AFF1: variants seen among roughly 807,000 people sequenced by gnomAD.
AFF1 encodes the protein AF4/FMR2 family member 1.
In AFF1, 48 loss-of-function variants were observed where a neutral mutation model predicts 121.7. The observed-to-expected ratio is 0.39, with a 90% confidence interval of 0.31 to 0.50. The LOEUF (loss-of-function observed/expected upper bound fraction) is 0.50, where lower values mean the gene tolerates loss of function less well. AFF1 is among the 20% of genes least tolerant of loss of function. The pLI is 0.76. For synonymous variants in AFF1, 613 were observed against 563.0 expected (o/e 1.09, Z -1.26); for missense variants, 1,523 against 1,511.7 (o/e 1.01, Z -0.12).
chr4:87,057,402 T>A (rs1206926374), intron 4 of AFF1, among the ~76,000 whole-genome samples: 1 of 152,244 alleles, frequency 6.6e-6, no homozygotes, highest in African/African-American at 2.4e-5. Context: ...GGGCTTATAA[T>A]TCTGTAAGAC....
intron 2 of AFF1, among the ~76,000 whole-genome samples, chr4:87,027,555 A>G (rs553444293): frequency 3.4e-4 from 52 of 152,340 alleles, no homozygotes; most frequent in African/African-American, 1.2e-3. Flanking sequence ...AGTCTGTTGG[A>G]AAAATGTGGG....
At chr4:87,135,192 C>CAAG (rs1272611826) in intron 20 of AFF1, among the ~76,000 whole-genome samples, 3 of 152,162 alleles carry the variant, frequency 2.0e-5, no homozygotes, top group Non-Finnish European at 4.4e-5. Flanking sequence ...TGGAGAAATG[C>CAAG]AAGGTTCAGG....
At chr4:87,095,017 T>A in intron 8 of AFF1, 48 bp downstream of exon 8, 1 of 1,532,922 alleles carries the variant, frequency 6.5e-7, no homozygotes, top group Non-Finnish European at 9.0e-7. Context: ...TATGAAATTG[T>A]AATGTCTCAT....
At chr4:87,090,539 C>T (rs1243173988) in intron 6 of AFF1, among the ~76,000 whole-genome samples, 3 of 152,120 alleles carry the variant, frequency 2.0e-5, no homozygotes, top group Non-Finnish European at 4.4e-5. Flanking sequence ...ATGAACAATG[C>T]GTTAAAACAC....
intron 12 of AFF1, among the ~76,000 whole-genome samples, chr4:87,118,201 C>A (rs1426782643): frequency 1.3e-5 from 2 of 152,202 alleles, no homozygotes; most frequent in Non-Finnish European, 2.9e-5. Context: ...ATTTACAGAT[C>A]CTTGAATCCA....
intron 4 of AFF1, among the ~76,000 whole-genome samples, chr4:87,068,108 G>A (rs1721562928): frequency 6.6e-6 from 1 of 151,828 alleles, no homozygotes; most frequent in Admixed American, 6.6e-5. Context: ...AGGATCATTT[G>A]TTTTGAAATA....
intron 2 of AFF1, among the ~76,000 whole-genome samples, chr4:87,014,544 G>A (rs1205991677): frequency 6.6e-6 from 1 of 152,246 alleles, no homozygotes; most frequent in Non-Finnish European, 1.5e-5. Flanking sequence ...TCAGGAAACA[G>A]TCTTTGGTAT....
At chr4:87,012,560 A>C (rs1338261453) in intron 2 of AFF1, among the ~76,000 whole-genome samples, 1 of 152,184 alleles carries the variant, frequency 6.6e-6, no homozygotes, top group Non-Finnish European at 1.5e-5. Context: ...AAATGTAAAA[A>C]CTGGGGGAGC....
At chr4:87,106,866 G>A (rs1425300275) in intron 10 of AFF1, among the ~76,000 whole-genome samples, 4 of 152,148 alleles carry the variant, frequency 2.6e-5, no homozygotes, top group Non-Finnish European at 4.4e-5. Context: ...ATGTGATTAT[G>A]TGCACTCTTA....
chr4:86,949,800 G>A, intron 2 of AFF1: 3 of 1,613,980 alleles, frequency 1.9e-6, no homozygotes, highest in Non-Finnish European at 1.7e-6. Flanking sequence ...GCCACTGGGA[G>A]ACACTGCGTC....
intron 17 of AFF1, 87 bp from the exon 18 acceptor site, chr4:87,131,706 G>A (rs1728843825): frequency 8.6e-7 from 1 of 1,168,248 alleles, no homozygotes; most frequent in East Asian, 2.6e-5. Context: ...TTCAGGAAAA[G>A]TCAATATAAA....
chr4:86,977,219 A>G (rs1041062101), intron 2 of AFF1, among the ~76,000 whole-genome samples: 9 of 152,158 alleles, frequency 5.9e-5, no homozygotes, highest in Non-Finnish European at 1.0e-4. Context: ...TGTATTTTCA[A>G]TCTCATAACT....
intron 12 of AFF1, among the ~76,000 whole-genome samples, chr4:87,121,285 C>T (rs1727658406): frequency 6.6e-6 from 1 of 152,206 alleles, no homozygotes; most frequent in African/African-American, 2.4e-5. Context: ...TGAATGGCTT[C>T]TTGACCCAGA....
In AFF1 at chr4:87,091,127, G is replaced by A. The variant is rs564649470; in HGVS notation, c.1192-666G>A. 2.8e-4 allele frequency among the ~76,000 whole-genome samples: 43 copies of A among 151,498 alleles called. No homozygotes were observed. The South Asian group carries it at 6.9e-3, about 24-fold the overall frequency. On this transcript the variant is annotated intron_variant, in intron 6 of 20. Coordinates refer to ENST00000395146, the MANE Select transcript of AFF1 (RefSeq NM_001166693.3). ...ATTTTTAAAATGTAACTCATGGACC[G>A]GGCATGGTGGCTTATGCTTGTAATC...
At position 87,019,884 on chromosome 4, in the gene AFF1, C is replaced by CGGGGG. The variant is rs34782951; in HGVS notation, c.39-26277_39-26273dup. Among the ~76,000 whole-genome samples the CGGGGG allele has an allele frequency of 1.5e-3, 124 of 82,550 alleles. 1 individual carries two copies. The highest frequency in any genetic ancestry group is 2.3e-3 in the African/African-American group (52 of 23,028). 54.2% of individuals were successfully genotyped at this position (82,550 alleles called of 152,430 possible). A position where few individuals can be genotyped will look rare whatever the true frequency, so the allele number is the denominator to read the frequency against. On this transcript the variant is annotated intron_variant, in intron 2 of 20. Transcript: ENST00000395146. ...ACCTGTGACTGGTGTCTGAAGGGGT[C>CGGGGG]GGGGGGGGGCAGTCTTGGGGACTGA...
At chr4:87,058,453 C>A (rs1300188202) in intron 4 of AFF1, among the ~76,000 whole-genome samples, 1 of 152,046 alleles carries the variant, frequency 6.6e-6, no homozygotes, top group African/African-American at 2.4e-5. Flanking sequence ...AACTTTGCTT[C>A]CTACCTTTCA....
At chr4:87,025,518 G>A (rs1459882783) in intron 2 of AFF1, among the ~76,000 whole-genome samples, 1 of 152,214 alleles carries the variant, frequency 6.6e-6, no homozygotes, top group Non-Finnish European at 1.5e-5. Flanking sequence ...TCCCAGTAGA[G>A]AAGTAACACA....
intron 12 of AFF1, among the ~76,000 whole-genome samples, chr4:87,120,670 C>T (rs1483824852): frequency 1.3e-5 from 2 of 152,206 alleles, no homozygotes; most frequent in African/African-American, 4.8e-5. Context: ...ACCGCGTCAG[C>T]CCCGGCTTGG....
At chr4:87,085,890 C>A (rs768923594) in intron 5 of AFF1, among the ~76,000 whole-genome samples, 5 of 152,084 alleles carry the variant, frequency 3.3e-5, no homozygotes, top group Non-Finnish European at 7.4e-5. Context: ...AGGTGTGCGC[C>A]AGTACGCCCT....
Sources: allele counts gnomAD v4.1 joint callset (sites outside exome capture counted in the v4.1 genomes callset), GRCh38; gene constraint gnomAD v4.1.1; transcripts MANE v1.5; gene names NCBI Gene and HGNC (gene_info 2026-07-23, HGNC 2026-07-21).